The following KCNC2 variants were observed in gnomAD, a reference collection of about 807,000 sequenced individuals.
KCNC2 encodes potassium voltage-gated channel subfamily C member 2, also known as voltage-gated potassium channel KCNC2.
In KCNC2, 21 loss-of-function variants were observed where a neutral mutation model predicts 44.5. The observed-to-expected ratio is 0.47, with a 90% confidence interval of 0.33 to 0.68. KCNC2 has a LOEUF of 0.68. Ranked by LOEUF, KCNC2 falls within the 30% of genes least tolerant of loss-of-function variation. The pLI, the probability that KCNC2 is intolerant of heterozygous loss-of-function variation, is 0.01. For synonymous variants in KCNC2, 391 were observed against 339.1 expected (o/e 1.15, Z -1.68); for missense variants, 589 against 826.2 (o/e 0.71, Z 3.52).
intron 2 of KCNC2, among the ~76,000 whole-genome samples, chr12:75,138,365 G>C (rs1027944595): frequency 2.6e-5 from 4 of 152,154 alleles, no homozygotes; most frequent in African/African-American, 9.7e-5. Context: ...GTTGGAACAG[G>C]AGAAAAAGAA....
intron 2 of KCNC2, among the ~76,000 whole-genome samples, chr12:75,056,751 T>G (rs558513036): frequency 6.6e-6 from 1 of 152,150 alleles, no homozygotes; most frequent in Admixed American, 6.6e-5. Flanking sequence ...AAAATGTCTG[T>G]CTCTGAATTG....
rs778213653 is a variant in KCNC2, at chr12:75,207,444, G to C, written c.540C>G (p.Gly180=). ...ETPDLIGGDP[G]DDEDLAAKRL... ...TCTTGGCCGCCAGGTCCTCGTCGTC[G>C]CCGGGGTCGCCGCCAATGAGGTCGG... is the stretch of plus-strand genomic sequence containing the variant. The change falls in exon 2 of 5, where the codon GGC becomes GGG. Residue 180 remains glycine, a synonymous_variant. Coordinates refer to ENST00000549446, the MANE Select transcript of KCNC2 (RefSeq NM_139137.4). The surrounding 1 kb of genome is among the most constrained non-coding windows in gnomAD (Gnocchi z 4.1). 1 of 1,609,194 alleles carries C rather than the reference G, an allele frequency of 6.2e-7. No individual in the cohort carries two copies.
In KCNC2 at chr12:75,128,482, G is replaced by A. The variant is rs192849751; in HGVS notation, c.688-77165C>T. On this transcript the variant is annotated intron_variant, in intron 2 of 4. Coordinates refer to ENST00000549446, the MANE Select transcript of KCNC2 (RefSeq NM_139137.4). ...AACTGTAAGAACCTACTCAAAGAAGGGATTAAATAAAACAAAACGGGTCAA... is the reference window on the plus strand; with the variant it reads ...AACTGTAAGAACCTACTCAAAGAAGAGATTAAATAAAACAAAACGGGTCAA... 2.0e-4 allele frequency among the ~76,000 whole-genome samples: 31 copies of A among 151,992 alleles called. No individual in the cohort carries two copies. In the East Asian group the frequency reaches 4.4e-3, roughly 22 times the overall value.
intron 2 of KCNC2, among the ~76,000 whole-genome samples, chr12:75,092,129 C>T (rs886736742): frequency 2.0e-5 from 3 of 151,588 alleles, no homozygotes; most frequent in Admixed American, 6.6e-5. Context: ...GGTTGTGAAA[C>T]CTCATCTGCA....
intron 2 of KCNC2, among the ~76,000 whole-genome samples, 177 bp from the exon 3 acceptor site, chr12:75,051,494 A>T (rs893318064): frequency 6.6e-6 from 1 of 152,178 alleles, no homozygotes; most frequent in African/African-American, 2.4e-5. Flanking sequence ...ATTAGAGTGT[A>T]CAGGTAATGT....
At chr12:75,140,629 CAT>C (rs2137401109) in intron 2 of KCNC2, among the ~76,000 whole-genome samples, 1 of 151,684 alleles carries the variant, frequency 6.6e-6, no homozygotes, top group Non-Finnish European at 1.5e-5. Context: ...ATTTGGGATA[CAT>C]GTCTACTCAT....
chr12:75,164,496 A>T (rs1375106871), intron 2 of KCNC2, among the ~76,000 whole-genome samples: 1 of 151,684 alleles, frequency 6.6e-6, no homozygotes, highest in Admixed American at 6.6e-5. Flanking sequence ...TATTTCTGAT[A>T]CTTTGCCAGT....
At chr12:75,182,520 C>CAAAAAAAAAAACAAAACA (rs1892659050) in intron 2 of KCNC2, among the ~76,000 whole-genome samples, 2 of 81,428 alleles carry the variant, frequency 2.5e-5, no homozygotes, top group African/African-American at 8.1e-5. Context: ...GATTCCGTCT[C>CAAAAAAAAAAACAAAACA]AAAAAAAAAA....
chr12:75,142,793 A>T (rs11831573), intron 2 of KCNC2, among the ~76,000 whole-genome samples: 1 of 152,196 alleles, frequency 6.6e-6, no homozygotes, highest in African/African-American at 2.4e-5. Context: ...GACAATATAC[A>T]TTAAAGCTAG....
At chr12:75,131,188 G>A (rs1888820885) in intron 2 of KCNC2, among the ~76,000 whole-genome samples, 1 of 152,018 alleles carries the variant, frequency 6.6e-6, no homozygotes, top group Admixed American at 6.6e-5. Flanking sequence ...ATATTTCACA[G>A]GAAAGATGAC....
At position 75,172,725 on chromosome 12, in the gene KCNC2, T is replaced by C. The variant is rs531025483; in HGVS notation, c.687+34572A>G. On this transcript the variant is annotated intron_variant, in intron 2 of 4. Transcript: ENST00000549446. ...AAGAGCTAGCCTTTTACATCCTTTC[T>C]TAACACTTAAGTGAATATGCCTCAA... is the stretch of plus-strand genomic sequence containing the variant. Among the ~76,000 whole-genome samples the C allele has an allele frequency of 2.0e-5, 3 of 151,980 alleles. No homozygotes were observed. The East Asian group carries it at 5.8e-4, about 30-fold the overall frequency.
At chr12:75,076,405 T>C (rs1026010766) in intron 2 of KCNC2, among the ~76,000 whole-genome samples, 9 of 152,284 alleles carry the variant, frequency 5.9e-5, no homozygotes, top group African/African-American at 2.2e-4. Flanking sequence ...CCAGAGTAGC[T>C]GGGACTAGAG....
At chr12:75,193,244 A>G (rs1384335988) in intron 2 of KCNC2, among the ~76,000 whole-genome samples, 1 of 152,364 alleles carries the variant, frequency 6.6e-6, no homozygotes, top group African/African-American at 2.4e-5. Context: ...CACAGGGATG[A>G]AAAACAGGAA....
At chr12:75,164,383 C>G (rs1480779543) in intron 2 of KCNC2, among the ~76,000 whole-genome samples, 1 of 151,698 alleles carries the variant, frequency 6.6e-6, no homozygotes, top group Non-Finnish European at 1.5e-5. Flanking sequence ...ATGTGAATAT[C>G]CCAGGATGTC....
chr12:75,181,992 T>G, intron 2 of KCNC2, among the ~76,000 whole-genome samples: 1 of 128,956 alleles, frequency 7.8e-6, no homozygotes, highest in African/African-American at 2.9e-5. Context: ...CAGGATGGTC[T>G]CAATCTCCTG....
intron 2 of KCNC2, among the ~76,000 whole-genome samples, chr12:75,103,177 A>C (rs1886510564): frequency 6.6e-6 from 1 of 152,218 alleles, no homozygotes; most frequent in South Asian, 2.1e-4. Context: ...TAAATATAAC[A>C]TGCAAAACAA....
intron 2 of KCNC2, among the ~76,000 whole-genome samples, chr12:75,172,230 A>C (rs948291255): frequency 3.3e-5 from 5 of 151,836 alleles, no homozygotes; most frequent in African/African-American, 1.2e-4. Context: ...AGGAACAGAA[A>C]ACCAAAGACA....
At position 75,042,160 on chromosome 12, in the gene KCNC2, G is replaced by T. The variant is rs1879979707; in HGVS notation, c.*945C>A. On this transcript the variant is annotated 3_prime_UTR_variant, in exon 5 of 5. Transcript: ENST00000549446. ...TAAAAAAAAGACACAAGAGCTTTGG[G>T]TGATATTTGGCACTCTGCCTCTGAA... 1 of 1,277,352 alleles carries T rather than the reference G, an allele frequency of 7.8e-7. No homozygotes were observed. Among genetic ancestry groups the T allele is most frequent in the Non-Finnish European group, 9.9e-7 (1 of 1,006,640 alleles). 79.1% of individuals were successfully genotyped at this position (1,277,352 alleles called of 1,614,324 possible). A position where few individuals can be genotyped will look rare whatever the true frequency, so the allele number is the denominator to read the frequency against.
chr12:75,199,316 G>A (rs920536437), intron 2 of KCNC2, among the ~76,000 whole-genome samples: 3 of 151,842 alleles, frequency 2.0e-5, no homozygotes, highest in Admixed American at 2.0e-4. Context: ...CACTACTGAA[G>A]TGTCTGCATG....
Sources: allele counts gnomAD v4.1 joint callset (sites outside exome capture counted in the v4.1 genomes callset), GRCh38; gene constraint gnomAD v4.1.1; non-coding constraint Gnocchi (gnomAD v3.1); transcripts MANE v1.5; gene names NCBI Gene and HGNC (gene_info 2026-07-23, HGNC 2026-07-21).